Variants in RALGPS1 observed in about 807,000 individuals in gnomAD.
RALGPS1 encodes Ral GEF with PH domain and SH3 binding motif 1.
A neutral mutation model predicts 78.8 loss-of-function variants in RALGPS1; 19 were observed. That is an observed-to-expected ratio of 0.24 (90% CI 0.17 to 0.35). RALGPS1 has a LOEUF of 0.35. Among genes scored for constraint, RALGPS1 ranks in the 10% least tolerant of loss-of-function variants. RALGPS1 has a pLI of 1.00. For missense variants in RALGPS1, 454 were observed against 688.3 expected, an observed-to-expected ratio of 0.66 and a Z score of 3.81; for synonymous variants, 228 against 256.3, an observed-to-expected ratio of 0.89 and a Z score of 1.06.
At chr9:126,950,991 C>T (rs752425543) in intron 1 of RALGPS1, among the ~76,000 whole-genome samples, 41 of 152,080 alleles carry the variant, frequency 2.7e-4, no homozygotes, top group Admixed American at 6.5e-4. Context: ...GGGATATCAC[C>T]ATTGATCCCA....
At chr9:127,015,553 A>G (rs916320336) in intron 4 of RALGPS1, among the ~76,000 whole-genome samples, 3 of 152,128 alleles carry the variant, frequency 2.0e-5, no homozygotes, top group Non-Finnish European at 4.4e-5. Flanking sequence ...GCGGTTGGTT[A>G]TCTCAGTGTG....
intron 5 of RALGPS1, among the ~76,000 whole-genome samples, chr9:127,037,689 C>T (rs1253615018): frequency 1.3e-5 from 2 of 152,224 alleles, no homozygotes; most frequent in East Asian, 1.9e-4. Context: ...TGGCTAGCAA[C>T]AATTCCAGGC....
At position 127,195,122 on chromosome 9, in the gene RALGPS1, C is replaced by T; in HGVS notation, c.942C>T (p.Phe314=). 6.2e-7 allele frequency: 1 copy of T among 1,613,550 alleles called. No individual in the cohort carries two copies. The highest frequency in any genetic ancestry group is 8.5e-7 in the Non-Finnish European group (1 of 1,179,976). ...GPSAGSGSAR[F]SRRPTCPDTS... ...CTGCTGGCTCCGGTTCTGCGAGGTT[C>T]AGCCGGAGGCCCACCTGTCCTGACA... Residue 314 remains phenylalanine, a synonymous_variant, in exon 12 of 19, where the codon TTC becomes TTT. Coordinates refer to ENST00000259351, the MANE Select transcript of RALGPS1 (RefSeq NM_014636.3).
chr9:127,197,498 A>G (rs1180404940), intron 13 of RALGPS1, among the ~76,000 whole-genome samples: 1 of 103,856 alleles, frequency 9.6e-6, no homozygotes, highest in Non-Finnish European at 1.8e-5. Context: ...GGCCCAGAGC[A>G]TGGGGGTGGG....
rs2049977355 is a variant in RALGPS1 at position 127,069,238 on chromosome 9, T to C, written c.492T>C (p.Asn164=). ...FRLTKTWALL[N]RKDKTTFEKL... is the part of the protein sequence containing the mutation. ...TTTTCTTCTCATTCTAGCTTTTAAA[T>C]CGAAAAGACAAGACTACCTTTGAGA... The change falls in exon 8 of 19, where the codon AAT becomes AAC. Residue 164 remains asparagine, a synonymous_variant. Transcript: ENST00000259351. The C allele has an allele frequency of 6.2e-7, 1 of 1,605,866 alleles. No individual in the cohort carries two copies. Among genetic ancestry groups the C allele is most frequent in the Non-Finnish European group, 8.5e-7 (1 of 1,173,814 alleles).
At chr9:127,040,699 T>C in intron 5 of RALGPS1, among the ~76,000 whole-genome samples, 1 of 152,044 alleles carries the variant, frequency 6.6e-6, no homozygotes, top group East Asian at 1.9e-4. Flanking sequence ...GCCAGGGTCA[T>C]TTGCAGTGAT....
intron 8 of RALGPS1, among the ~76,000 whole-genome samples, chr9:127,149,120 A>G (rs886075046): frequency 1.3e-5 from 2 of 152,178 alleles, no homozygotes; most frequent in Non-Finnish European, 1.5e-5. Flanking sequence ...CCACAAGTCA[A>G]TGGCAGCATC....
In RALGPS1 at chr9:127,123,660, G is replaced by A. The variant is rs537977283; in HGVS notation, c.611-42409G>A. Among the ~76,000 whole-genome samples, 9 of 152,306 alleles carry A rather than the reference G, an allele frequency of 5.9e-5. No individual in the cohort carries two copies. The South Asian group carries it at 1.0e-3, about 18-fold the overall frequency. On this transcript the variant is annotated intron_variant, in intron 8 of 18. Coordinates refer to ENST00000259351, the MANE Select transcript of RALGPS1 (RefSeq NM_014636.3). ...CAGAGTCCTCAGCATGGAGCCAGCC[G>A]CATAGGTGGAGCTCTGTGAATGTTG...
chr9:127,045,898 CT>C (rs1271228153), intron 5 of RALGPS1, among the ~76,000 whole-genome samples: 5 of 152,168 alleles, frequency 3.3e-5, no homozygotes, highest in African/African-American at 9.6e-5. Context: ...GTTTCTAATA[CT>C]GTTATTTGAT....
chr9:127,206,112 C>G (rs546661238), intron 14 of RALGPS1, among the ~76,000 whole-genome samples: 1 of 152,372 alleles, frequency 6.6e-6, no homozygotes, highest in East Asian at 1.9e-4. Context: ...AAGTGGCCAG[C>G]ATAGGCCATG....
chr9:127,188,223 G>A (rs914014423), intron 11 of RALGPS1, among the ~76,000 whole-genome samples: 18 of 151,750 alleles, frequency 1.2e-4, no homozygotes, highest in African/African-American at 3.9e-4. Context: ...TACCACACCC[G>A]GCTAATTTTT....
intron 4 of RALGPS1, among the ~76,000 whole-genome samples, chr9:126,991,654 T>G (rs1466172052): frequency 2.0e-5 from 3 of 152,176 alleles, no homozygotes; most frequent in African/African-American, 4.8e-5. Context: ...ATTTGAAACT[T>G]GGCTCTGCTA....
intron 1 of RALGPS1, among the ~76,000 whole-genome samples, chr9:126,952,104 T>TA (rs2037881275): frequency 6.6e-6 from 1 of 152,206 alleles, no homozygotes; most frequent in South Asian, 2.1e-4. Flanking sequence ...GAATCCAACT[T>TA]ACAAGGGACG....
At chr9:127,137,235 AC>A (rs760148012) in intron 8 of RALGPS1, among the ~76,000 whole-genome samples, 1 of 152,038 alleles carries the variant, frequency 6.6e-6, no homozygotes, top group South Asian at 2.1e-4. Flanking sequence ...CTAGTGTCCC[AC>A]CCGGGCCACA....
chr9:127,162,821 G>C (rs377639557), intron 8 of RALGPS1, among the ~76,000 whole-genome samples: 9 of 152,192 alleles, frequency 5.9e-5, no homozygotes, highest in Non-Finnish European at 1.2e-4. Context: ...TTCATGTTGA[G>C]GGTGTTACTT....
At chr9:127,109,532 T>G (rs1436886821) in intron 8 of RALGPS1, among the ~76,000 whole-genome samples, 2 of 152,194 alleles carry the variant, frequency 1.3e-5, no homozygotes, top group Non-Finnish European at 2.9e-5. Context: ...ATCCAAATAT[T>G]TGCAGTAGCC....
chr9:126,984,168 G>A (rs1404319494), intron 4 of RALGPS1, among the ~76,000 whole-genome samples: 1 of 152,096 alleles, frequency 6.6e-6, no homozygotes, highest in African/African-American at 2.4e-5. Context: ...GCAGTGGTGT[G>A]GTCATAGCTC....
chr9:127,145,838 T>G (rs537257253), intron 8 of RALGPS1, among the ~76,000 whole-genome samples: 1 of 152,364 alleles, frequency 6.6e-6, no homozygotes, highest in East Asian at 1.9e-4. Context: ...ACCTTTCGTT[T>G]CCTCATCTAG....
At chr9:127,150,160 T>A (rs1351315616) in intron 8 of RALGPS1, among the ~76,000 whole-genome samples, 3 of 152,186 alleles carry the variant, frequency 2.0e-5, no homozygotes, top group Non-Finnish European at 4.4e-5. Flanking sequence ...CAAGTGCTGC[T>A]CAGCCCAGAG....
Sources: gnomAD v4.1 joint callset for allele counts (sites outside exome capture counted in the v4.1 genomes callset) on GRCh38, gnomAD v4.1.1 for gene constraint, MANE v1.5 for transcripts, NCBI Gene and HGNC (gene_info 2026-07-23, HGNC 2026-07-21) for gene names.